The following NAV3 variants were observed in gnomAD, a reference collection of about 807,000 sequenced individuals.
The protein encoded by NAV3 is pore membrane and/or filament interacting like protein 1.
NAV3 carries 87 observed loss-of-function variants against 244.7 expected under a neutral mutation model. The observed-to-expected ratio is 0.36, with a 90% CI of 0.30 to 0.42. NAV3 has a LOEUF of 0.42. Among genes scored for constraint, NAV3 ranks in the 20% least tolerant of loss-of-function variants. The pLI is 1.00. For missense variants in NAV3, 2,663 were observed against 2,893.3 expected (o/e 0.92, Z 1.83); for synonymous variants, 1,126 against 1,042.2 (o/e 1.08, Z -1.55).
At chr12:78,081,410 T>C (rs992194864) in intron 12 of NAV3, among the ~76,000 whole-genome samples, 4 of 152,294 alleles carry the variant, frequency 2.6e-5, no homozygotes, top group South Asian at 4.1e-4. Context: ...GTGCTCAGCA[T>C]GGCTTGAGGG....
intron 2 of NAV3, among the ~76,000 whole-genome samples, chr12:77,604,465 C>T (rs920443850): frequency 6.6e-6 from 1 of 151,884 alleles, no homozygotes; most frequent in Non-Finnish European, 1.5e-5. Context: ...AACTATGACA[C>T]AGAACCTAGA....
chr12:77,898,122 A>G (rs1011373535), intron 1 of NAV3, among the ~76,000 whole-genome samples: 5 of 152,192 alleles, frequency 3.3e-5, no homozygotes, highest in African/African-American at 1.2e-4. Context: ...AACTACCTAG[A>G]CGAATATCAC....
chr12:77,686,295 GT>G (rs1470182669), intron 2 of NAV3, among the ~76,000 whole-genome samples: 1 of 152,028 alleles, frequency 6.6e-6, no homozygotes, highest in Non-Finnish European at 1.5e-5. Context: ...GTTTCACCAT[GT>G]TGACCAGGCC....
chr12:78,179,489 G>A, intron 28 of NAV3, 40 bp from the exon 29 acceptor site: 5 of 1,611,260 alleles, frequency 3.1e-6, no homozygotes, highest in Non-Finnish European at 4.2e-6. Flanking sequence ...TAATCCTCTG[G>A]CTTCCCCAGG....
In NAV3 at chr12:77,585,060, T is replaced by A. The variant is rs79345018; in HGVS notation, c.72+12794T>A. On this transcript the variant is annotated intron_variant, in intron 2 of 8. Coordinates refer to the NAV3 transcript ENST00000550042. ...AGACAAGATAAACCCCGTTCTCACA[T>A]GTCTATGCCATTGTTTTTTGCTGGC... 1.0e-2 allele frequency among the ~76,000 whole-genome samples: 1,519 copies of A among 152,294 alleles called. 22 individuals carry two copies. Among genetic ancestry groups the A allele is most frequent in the African/African-American group, 0.034 (1,417 of 41,564 alleles).
intron 1 of NAV3, among the ~76,000 whole-genome samples, chr12:77,931,402 T>TAGCCC (rs138806537): frequency 0.87 from 131,982 of 151,648 alleles, 57,603 homozygotes; most frequent in East Asian, 0.98. Context: ...TTCTCATTTC[T>TAGCCC]AGGGTATTAA....
chr12:78,062,094 T>C (rs1261346986), intron 12 of NAV3, among the ~76,000 whole-genome samples: 1 of 152,192 alleles, frequency 6.6e-6, no homozygotes, highest in Non-Finnish European at 1.5e-5. Flanking sequence ...TTTTCTGTTA[T>C]GCAGTCACAT....
At chr12:78,090,454 G>A (rs1953867435) in intron 12 of NAV3, among the ~76,000 whole-genome samples, 1 of 151,970 alleles carries the variant, frequency 6.6e-6, no homozygotes, top group Non-Finnish European at 1.5e-5. Context: ...ATTGCCTGAA[G>A]ATGCCTGATG....
At chr12:77,653,032 TAAG>T (rs72213376) in intron 2 of NAV3, among the ~76,000 whole-genome samples, 8,110 of 152,282 alleles carry the variant, frequency 0.053, 503 homozygotes, top group African/African-American at 0.16. Flanking sequence ...CAAATAAATT[TAAG>T]AAACTGGAAT....
intron 8 of NAV3, among the ~76,000 whole-genome samples, chr12:78,016,559 T>A (rs987829252): frequency 4.6e-5 from 7 of 152,210 alleles, no homozygotes; most frequent in African/African-American, 1.7e-4. Flanking sequence ...GTCTGTCACC[T>A]GTCTGCCTTT....
chr12:78,077,132 C>A (rs1228762280), intron 12 of NAV3, among the ~76,000 whole-genome samples: 1 of 151,914 alleles, frequency 6.6e-6, no homozygotes, highest in Non-Finnish European at 1.5e-5. Flanking sequence ...TCTTAAGTTT[C>A]TTCTTAAGTT....
intron 1 of NAV3, among the ~76,000 whole-genome samples, chr12:77,869,904 A>G (rs1880677766): frequency 6.6e-6 from 1 of 152,230 alleles, no homozygotes; most frequent in South Asian, 2.1e-4. Context: ...GAATGAATTA[A>G]TGCATGACGC....
At chr12:78,159,697 A>G (rs1424474501) in intron 23 of NAV3, among the ~76,000 whole-genome samples, 1 of 152,054 alleles carries the variant, frequency 6.6e-6, no homozygotes, top group Non-Finnish European at 1.5e-5. Flanking sequence ...TCAATTCTAT[A>G]CTAAATTAAA....
chr12:78,130,985 C>G lies in NAV3; in HGVS notation c.4441+2119C>G, dbSNP rs138838839. 4.4e-5 allele frequency: 7 copies of G among 159,156 alleles called. No individual in the cohort carries two copies. In the East Asian group the frequency reaches 1.3e-3, roughly 29 times the overall value. 9.9% of individuals were successfully genotyped at this position (159,156 alleles called of 1,614,324 possible). On this transcript the variant is annotated intron_variant, in intron 18 of 39. Coordinates refer to ENST00000397909, the MANE Select transcript of NAV3 (RefSeq NM_001024383.2). The stretch of plus-strand genomic sequence containing the variant: ...CATGGACCACATCCACACAGAGAAG[C>G]ACCGTGGGTCCTCAAGTGCCTCCCT...
chr12:78,141,246 G>A (rs564316530), intron 20 of NAV3, among the ~76,000 whole-genome samples: 3 of 149,338 alleles, frequency 2.0e-5, no homozygotes, highest in Admixed American at 1.4e-4. Flanking sequence ...TTTTGCAAAC[G>A]TGTGACATTA....
chr12:78,127,979 C>T lies in NAV3; in HGVS notation c.4281-727C>T, dbSNP rs76611560. 3.8e-3 allele frequency among the ~76,000 whole-genome samples: 571 copies of T among 152,214 alleles called. 3 individuals carry two copies. Among genetic ancestry groups the T allele is most frequent in the African/African-American group, 0.013 (540 of 41,548 alleles). On this transcript the variant is annotated intron_variant, in intron 17 of 39. Transcript: ENST00000397909. The stretch of plus-strand genomic sequence containing the variant: ...ATGATCTACTAATAGAGGTATAACA[C>T]TGTATGTGTATGAAAAGTTGGCTAA...
intron 12 of NAV3, among the ~76,000 whole-genome samples, chr12:78,070,689 C>T (rs985815615): frequency 1.1e-4 from 16 of 145,218 alleles, no homozygotes; most frequent in Non-Finnish European, 2.3e-4. Context: ...TCTCCCGATG[C>T]TATCCCTCCT....
At chr12:78,147,447 A>T (rs968351460) in intron 21 of NAV3, among the ~76,000 whole-genome samples, 18 of 152,084 alleles carry the variant, frequency 1.2e-4, no homozygotes, top group African/African-American at 4.3e-4. Flanking sequence ...TTATATTTTA[A>T]AGATACTGGA....
intron 24 of NAV3, among the ~76,000 whole-genome samples, chr12:78,175,026 G>A (rs947176643): frequency 1.3e-5 from 2 of 151,946 alleles, no homozygotes; most frequent in African/African-American, 2.4e-5. Flanking sequence ...GAAATCACTA[G>A]CATAGCATTT....
Sources: gnomAD v4.1 joint callset for allele counts (sites outside exome capture counted in the v4.1 genomes callset) on GRCh38, gnomAD v4.1.1 for gene constraint, MANE v1.5 for transcripts, NCBI Gene and HGNC (gene_info 2026-07-23, HGNC 2026-07-21) for gene names.